ZFHX4: variants seen among roughly 807,000 people sequenced by gnomAD.
ZFHX4 encodes zinc finger homeobox protein 4.
A neutral mutation model predicts 267.6 loss-of-function variants in ZFHX4; 56 were observed. The observed-to-expected ratio is 0.21, with a 90% CI of 0.17 to 0.26. The LOEUF is 0.26. Ranked by LOEUF, ZFHX4 falls within the 10% of genes least tolerant of loss-of-function variation. The probability of loss-of-function intolerance (pLI) is 1.00; values close to 1 mark genes in which losing one functional copy is unlikely to be tolerated. For missense variants in ZFHX4, 4,332 were observed against 4,420.0 expected (o/e 0.98, Z 0.56); for synonymous variants, 1,778 against 1,665.6 (o/e 1.07, Z -1.64).
intron 4 of ZFHX4, among the ~76,000 whole-genome samples, chr8:76,804,349 TTA>T (rs1811194249): frequency 6.6e-6 from 1 of 152,138 alleles, no homozygotes; most frequent in African/African-American, 2.4e-5. Context: ...TTTAGTGACT[TTA>T]TGATTTCTAG....
intron 4 of ZFHX4, among the ~76,000 whole-genome samples, chr8:76,795,053 C>A: frequency 6.6e-6 from 1 of 152,184 alleles, no homozygotes; most frequent in East Asian, 1.9e-4. Context: ...ATATAAGCAG[C>A]CTTTTCAAGT....
chr8:76,845,550 C>G (rs1812342923), intron 6 of ZFHX4, among the ~76,000 whole-genome samples: 2 of 151,926 alleles, frequency 1.3e-5, no homozygotes, highest in Non-Finnish European at 2.9e-5. Context: ...TGAATAACAT[C>G]TGTTATATCC....
intron 3 of ZFHX4, among the ~76,000 whole-genome samples, chr8:76,739,527 A>G (rs1201201922): frequency 6.6e-6 from 1 of 152,164 alleles, no homozygotes; most frequent in African/African-American, 2.4e-5. Context: ...CTAGTGGGGC[A>G]GGCAAGAGGA....
At chr8:76,796,055 T>C (rs1005010443) in intron 4 of ZFHX4, among the ~76,000 whole-genome samples, 1 of 152,116 alleles carries the variant, frequency 6.6e-6, no homozygotes, top group Admixed American at 6.6e-5. Flanking sequence ...GAGAGAAATA[T>C]TAATTTATAG....
chr8:76,705,542 A>T lies in ZFHX4; in HGVS notation c.1454A>T (p.Glu485Val). The T allele has an allele frequency of 6.2e-7, 1 of 1,613,590 alleles. No individual in the cohort carries two copies. The highest frequency in any genetic ancestry group is 8.5e-7 in the Non-Finnish European group (1 of 1,179,674). Residue 485 changes from glutamate (E) to valine (V), a missense_variant, in exon 2 of 11, where the codon GAG becomes GTG. Physicochemically the swap from Glu to Val is moderately radical, Grantham distance 121. Around this residue, in one of 7 missense-constraint regions of ZFHX4, gnomAD observed 1,195 missense variants for 1,173.6 expected, o/e 1.02. Transcript: ENST00000651372. Reference protein sequence around the residue: ...EDAYSNELDDEEVLGELTDSI... With the variant: ...EDAYSNELDDVEVLGELTDSI... ...GCGTACTCCAATGAACTTGATGACG[A>T]GGAAGTATTAGGTGAACTCACCGAT...
chr8:76,750,074 A>T (rs1383566507), intron 3 of ZFHX4, among the ~76,000 whole-genome samples: 1 of 152,180 alleles, frequency 6.6e-6, no homozygotes, highest in African/African-American at 2.4e-5. Flanking sequence ...TTAAAATTCT[A>T]TGAGAACCAG....
chr8:76,737,329 G>T (rs1809190649), intron 3 of ZFHX4, among the ~76,000 whole-genome samples: 1 of 152,112 alleles, frequency 6.6e-6, no homozygotes, highest in Non-Finnish European at 1.5e-5. Context: ...TTGTGCATTT[G>T]TCTTCTCATT....
chr8:76,833,637 A>C, intron 5 of ZFHX4: 1 of 426,636 alleles, frequency 2.3e-6, no homozygotes, highest in Non-Finnish European at 4.3e-6. Context: ...TTTCCCCAAT[A>C]CCCTCTCCCC....
In ZFHX4 at chr8:76,853,047, T is replaced by TG; in HGVS notation, c.6126_6127insG (p.Pro2043AlafsTer97). On this transcript the variant is annotated frameshift_variant, in exon 10 of 11. Coordinates refer to ENST00000651372, the MANE Select transcript of ZFHX4 (RefSeq NM_024721.5). LOFTEE classifies it high-confidence loss of function. Reference sequence around the variant, plus strand: ...CTCTGCAAGCTCCACCACCCACTCCTCCCCCACCACCACCACCTCCTCCTC... The same window carrying TG: ...CTCTGCAAGCTCCACCACCCACTCCTGCCCCCACCACCACCACCTCCTCCTC... The TG allele has an allele frequency of 1.0e-5, 9 of 901,558 alleles. No individual in the cohort carries two copies. Among genetic ancestry groups the TG allele is most frequent in the Non-Finnish European group, 1.3e-5 (8 of 602,246 alleles). The allele number at this position is 901,558 out of a possible 1,614,324, so 55.8% of individuals were successfully genotyped here.
chr8:76,794,860 G>A (rs868265492), intron 4 of ZFHX4, among the ~76,000 whole-genome samples: 40 of 149,880 alleles, frequency 2.7e-4, no homozygotes, highest in Admixed American at 6.0e-4. Context: ...TGGAGAAGGC[G>A]GCTGGCCTGT....
rs778656480 is a variant in ZFHX4, at chr8:76,851,688, TAAC to T, written c.4770_4772del (p.Asn1590del). 8.4e-5 allele frequency: 136 copies of T among 1,613,860 alleles called. No individual in the cohort carries two copies. The East Asian group carries it at 3.0e-3, about 36-fold the overall frequency. ...CACAAGAAACCAACAGCAACACAGA[TAAC>T]AAACCCTACAAGTGCAGCATCTGCA... On this transcript the variant is annotated inframe_deletion, in exon 10 of 11. Coordinates refer to ENST00000651372, the MANE Select transcript of ZFHX4 (RefSeq NM_024721.5).
rs573259276 is a variant in ZFHX4 at position 76,842,704 on chromosome 8, C to T, written c.3444C>T (p.Ala1148=). 545 of 1,554,292 alleles carry T rather than the reference C, an allele frequency of 3.5e-4. 3 individuals are homozygous for T. Among genetic ancestry groups the T allele is most frequent in the Non-Finnish European group, 2.0e-4 (230 of 1,148,650 alleles). ...GAGCTATTAAGCCTACAGCAGTGGC[C>T]GAGGACGATGAAAAAGACACAAGTG... ...AEGAIKPTAV[A]EDDEKDTSER... is the part of the protein sequence containing the mutation. Residue 1148 remains alanine, a synonymous_variant, in exon 6 of 11, where the codon GCC becomes GCT. Coordinates refer to ENST00000651372, the MANE Select transcript of ZFHX4 (RefSeq NM_024721.5).
intron 3 of ZFHX4, among the ~76,000 whole-genome samples, chr8:76,744,754 A>T (rs566170391): frequency 3.0e-4 from 46 of 152,240 alleles, no homozygotes; most frequent in East Asian, 9.7e-4. Flanking sequence ...CATTAAAAAA[A>T]TTTTTTTAGA....
intron 1 of ZFHX4, among the ~76,000 whole-genome samples, chr8:76,698,195 T>G (rs932680095): frequency 4.6e-5 from 7 of 152,102 alleles, no homozygotes; most frequent in African/African-American, 1.4e-4. Flanking sequence ...AAATTAGAAA[T>G]CAACTAGATT....
rs115862185 is a variant in ZFHX4, at chr8:76,785,732, T to G, written c.3325+7293T>G. On this transcript the variant is annotated intron_variant, in intron 4 of 10. Transcript: ENST00000651372. ...GTAGTGGACATTAAAACCTTGTCTATAGATGCCAAGTGAGGTGGAGAATTG... is the reference window on the plus strand; with the variant it reads ...GTAGTGGACATTAAAACCTTGTCTAGAGATGCCAAGTGAGGTGGAGAATTG... Among the ~76,000 whole-genome samples the G allele has an allele frequency of 3.3e-3, 506 of 152,284 alleles. 4 individuals are homozygous for G. Among genetic ancestry groups the G allele is most frequent in the African/African-American group, 9.9e-3 (413 of 41,566 alleles).
chr8:76,699,741 A>G (rs1453578333), intron 1 of ZFHX4, among the ~76,000 whole-genome samples: 2 of 144,238 alleles, frequency 1.4e-5, no homozygotes, highest in Non-Finnish European at 3.0e-5. Context: ...TCAGCAACTG[A>G]TGCAAAAAAA....
At chr8:76,739,817 GTTATAT>G (rs2131680236) in intron 3 of ZFHX4, among the ~76,000 whole-genome samples, 1 of 152,152 alleles carries the variant, frequency 6.6e-6, no homozygotes, top group South Asian at 2.1e-4. Flanking sequence ...TATAATGTTT[GTTATAT>G]TTATAGGTCC....
At chr8:76,749,364 G>A (rs1468585356) in intron 3 of ZFHX4, among the ~76,000 whole-genome samples, 12 of 152,138 alleles carry the variant, frequency 7.9e-5, no homozygotes, top group Admixed American at 7.9e-4. Context: ...AAGTAACACT[G>A]TTTCATGCAG....
chr8:76,826,937 C>G (rs968551348), intron 4 of ZFHX4, among the ~76,000 whole-genome samples: 1 of 152,198 alleles, frequency 6.6e-6, no homozygotes, highest in Non-Finnish European at 1.5e-5. Flanking sequence ...TCAGCACAAA[C>G]AAAGGCTATT....
Sources: allele counts gnomAD v4.1 joint callset (sites outside exome capture counted in the v4.1 genomes callset), GRCh38; gene constraint gnomAD v4.1.1; regional missense constraint gnomAD v4.1.1; transcripts MANE v1.5; gene names NCBI Gene and HGNC (gene_info 2026-07-23, HGNC 2026-07-21).